Variants in TAS2R1 observed in about 807,000 individuals in gnomAD.
The protein encoded by TAS2R1 is taste receptor type 2 member 1.
For synonymous variants in TAS2R1, 141 were observed against 134.2 expected (o/e 1.05, Z -0.35); for missense variants, 370 against 353.4 (o/e 1.05, Z -0.38).
At chr5:9,844,343 C>T in the TAS2R1 span, among the ~76,000 whole-genome samples, 1 of 152,198 alleles carries the variant, frequency 6.6e-6, no homozygotes, top group Non-Finnish European at 1.5e-5. Context: ...ATCTTCATCT[C>T]ATGCTATGCC....
chr5:9,633,286 TG>T (rs1739902263), upstream of TAS2R1, among the ~76,000 whole-genome samples: 1 of 66,112 alleles, frequency 1.5e-5, no homozygotes, highest in South Asian at 5.1e-4. Context: ...TGTGTGTGTG[TG>T]TGTATATTAT....
At chr5:9,835,279 A>G in the TAS2R1 span, among the ~76,000 whole-genome samples, 1 of 152,196 alleles carries the variant, frequency 6.6e-6, no homozygotes, top group Non-Finnish European at 1.5e-5. Flanking sequence ...GGCCTCAGAG[A>G]AGCTCTCTCC....
the TAS2R1 span, among the ~76,000 whole-genome samples, chr5:9,719,883 A>G: frequency 4.3e-5 from 6 of 140,590 alleles, no homozygotes; most frequent in East Asian, 1.3e-3. Flanking sequence ...GCACCACTGC[A>G]CTCCAGCCTG....
At chr5:9,655,042 A>G (rs930312026) in intron 2 of TAS2R1, among the ~76,000 whole-genome samples, 1 of 152,234 alleles carries the variant, frequency 6.6e-6, no homozygotes, top group African/African-American at 2.4e-5. Flanking sequence ...AGAAGGCCAG[A>G]CACAACAAAG....
At chr5:9,810,192 C>G in the TAS2R1 span, among the ~76,000 whole-genome samples, 1 of 152,194 alleles carries the variant, frequency 6.6e-6, no homozygotes, top group Admixed American at 6.5e-5. Flanking sequence ...TTTGTTTCCA[C>G]CATCCAGTGA....
At chr5:9,799,991 A>C in the TAS2R1 span, among the ~76,000 whole-genome samples, 2 of 152,260 alleles carry the variant, frequency 1.3e-5, no homozygotes, top group African/African-American at 4.8e-5. Flanking sequence ...AGATTTAGCA[A>C]TGTGGAAAAA....
chr5:9,662,754 T>C (rs1365867351), intron 1 of TAS2R1, among the ~76,000 whole-genome samples: 3 of 152,234 alleles, frequency 2.0e-5, no homozygotes, highest in Middle Eastern at 6.3e-3. Context: ...TATAACTCAG[T>C]TAAGAAAGAA....
At chr5:9,898,424 C>T in the TAS2R1 span, among the ~76,000 whole-genome samples, 1 of 152,134 alleles carries the variant, frequency 6.6e-6, no homozygotes, top group Non-Finnish European at 1.5e-5. Context: ...GCCGTGTGTA[C>T]GTGGTTTTGA....
upstream of TAS2R1, among the ~76,000 whole-genome samples, chr5:9,632,981 A>G (rs915258399): frequency 1.3e-5 from 2 of 151,984 alleles, no homozygotes; most frequent in African/African-American, 4.8e-5. Context: ...GCTCAGGTAC[A>G]TCAGAGAAAT....
chr5:9,715,094 A>T (rs1734777906), upstream of TAS2R1, among the ~76,000 whole-genome samples: 2 of 152,194 alleles, frequency 1.3e-5, no homozygotes, highest in African/African-American at 4.8e-5. Context: ...GAAACTACAC[A>T]CACTTCAAGA....
At chr5:9,683,859 C>CT (rs1741075155) in intron 1 of TAS2R1, among the ~76,000 whole-genome samples, 1 of 152,158 alleles carries the variant, frequency 6.6e-6, no homozygotes, top group Admixed American at 6.6e-5. Context: ...TGTGTGTGAT[C>CT]TTTTTCCAAT....
At chr5:9,646,031 ATAGT>A (rs1341755693) in intron 2 of TAS2R1, among the ~76,000 whole-genome samples, 1 of 152,128 alleles carries the variant, frequency 6.6e-6, no homozygotes, top group Non-Finnish European at 1.5e-5. Context: ...TCTATTTCTC[ATAGT>A]TAGTAACTGG....
At chr5:9,669,300 T>A (rs1485083288) in intron 1 of TAS2R1, among the ~76,000 whole-genome samples, 1 of 152,066 alleles carries the variant, frequency 6.6e-6, no homozygotes, top group African/African-American at 2.4e-5. Context: ...TTGATAACCA[T>A]ACGATAATAG....
At chr5:9,820,739 A>G in the TAS2R1 span, among the ~76,000 whole-genome samples, 7 of 152,242 alleles carry the variant, frequency 4.6e-5, no homozygotes, top group African/African-American at 1.7e-4. Flanking sequence ...ACTCTGCTTT[A>G]TGAAACAAAT....
At chr5:9,900,622 T>G in the TAS2R1 span, among the ~76,000 whole-genome samples, 1 of 147,660 alleles carries the variant, frequency 6.8e-6, no homozygotes, top group Non-Finnish European at 1.5e-5. Context: ...CAAATGGTTT[T>G]TTTTTTTTTT....
At chr5:9,763,515 A>G in the TAS2R1 span, among the ~76,000 whole-genome samples, 1 of 151,778 alleles carries the variant, frequency 6.6e-6, no homozygotes, top group South Asian at 2.1e-4. Flanking sequence ...AAAAAAAAAG[A>G]AAAGAAAAAT....
At chr5:9,699,855 T>C (rs538973362) in intron 1 of TAS2R1, among the ~76,000 whole-genome samples, 25 of 152,364 alleles carry the variant, frequency 1.6e-4, no homozygotes, top group African/African-American at 6.0e-4. Flanking sequence ...GAAGTAATGA[T>C]TCATTTTTTT....
intron 1 of TAS2R1, among the ~76,000 whole-genome samples, chr5:9,694,244 G>GA (rs576422391): frequency 2.6e-5 from 4 of 151,438 alleles, no homozygotes; most frequent in Non-Finnish European, 5.9e-5. Flanking sequence ...TTGTAACAAT[G>GA]AAAAAAAACA....
the TAS2R1 span, among the ~76,000 whole-genome samples, chr5:9,783,396 G>A: frequency 6.6e-6 from 1 of 152,186 alleles, no homozygotes; most frequent in Non-Finnish European, 1.5e-5. Flanking sequence ...TTGCAAGGCT[G>A]GCCTGGAGAA....
Sources: allele counts gnomAD v4.1 joint callset (sites outside exome capture counted in the v4.1 genomes callset), GRCh38; gene constraint gnomAD v4.1.1; transcripts MANE v1.5; gene names NCBI Gene and HGNC (gene_info 2026-07-23, HGNC 2026-07-21).